Variants in PURG observed in about 807,000 individuals in gnomAD.
The protein encoded by PURG is purine rich element binding protein G, also known as purine-rich element-binding protein gamma.
PURG carries 3 observed loss-of-function variants against 24.3 expected under a neutral mutation model. The observed-to-expected ratio is 0.12, with a 90% CI of 0.06 to 0.32. The LOEUF is 0.32. Ranked by LOEUF, PURG falls within the 10% of genes least tolerant of loss-of-function variation. The pLI is 1.00. For synonymous variants in PURG, 180 were observed against 173.1 expected (o/e 1.04, Z -0.31); for missense variants, 371 against 439.1 (o/e 0.84, Z 1.39).
downstream of PURG, among the ~76,000 whole-genome samples, chr8:31,027,500 A>C (rs1187288158): frequency 1.3e-5 from 2 of 151,808 alleles, no homozygotes; most frequent in Non-Finnish European, 1.5e-5. Context: ...AGGAATGATA[A>C]TACATACATC....
downstream of PURG, among the ~76,000 whole-genome samples, chr8:31,027,266 T>C (rs1405590378): frequency 1.3e-5 from 2 of 151,756 alleles, no homozygotes; most frequent in Admixed American, 6.6e-5. Context: ...TCAAAGATGT[T>C]TGGTGTTTTA....
downstream of PURG, among the ~76,000 whole-genome samples, chr8:31,027,890 T>C (rs1482180189): frequency 6.6e-6 from 1 of 151,796 alleles, no homozygotes; most frequent in Non-Finnish European, 1.5e-5. Flanking sequence ...TTCTGAGATA[T>C]CATATTTGTG....
At chr8:31,003,868 C>T (rs1810591170) in intron 1 of PURG, among the ~76,000 whole-genome samples, 1 of 152,122 alleles carries the variant, frequency 6.6e-6, no homozygotes, top group Non-Finnish European at 1.5e-5. Flanking sequence ...TCTCTTTGTG[C>T]TCCTGCAGCT....
chr8:31,021,788 G>A (rs1010530895), intron 1 of PURG, among the ~76,000 whole-genome samples: 5 of 152,060 alleles, frequency 3.3e-5, no homozygotes, highest in Admixed American at 3.3e-4. Flanking sequence ...GGGGATAATA[G>A]GGTTGTTATA....
chr8:30,999,942 G>A (rs1041944880), intron 1 of PURG, among the ~76,000 whole-genome samples: 1 of 150,852 alleles, frequency 6.6e-6, no homozygotes, highest in Admixed American at 6.7e-5. Context: ...ACTCTGCCAT[G>A]CAATGTACAT....
intron 1 of PURG, among the ~76,000 whole-genome samples, chr8:31,001,847 CT>C (rs1392257089): frequency 6.6e-6 from 1 of 152,108 alleles, no homozygotes. Flanking sequence ...TAGTATTACT[CT>C]TGAATAGGGT....
Position 31,032,816 on chromosome 8 carries a change from TG to T in PURG, c.-6-29del. On this transcript the variant is annotated intron_variant, in intron 1 of 1. Transcript: ENST00000523392. The surrounding 1 kb of genome is among the most constrained non-coding windows in gnomAD (Gnocchi z 5.9). ...GCAAGTAACAAACAGACACACGGGA[TG>T]GGGTGGGGGAGGGGTGTTGAGAACA... 7.4e-7 allele frequency: 1 copy of T among 1,356,298 alleles called. No individual in the cohort carries two copies. Among genetic ancestry groups the T allele is most frequent in the Non-Finnish European group, 9.5e-7 (1 of 1,049,150 alleles). The allele number at this position is 1,356,298 out of a possible 1,614,324, so 84.0% of individuals were successfully genotyped here.
At chr8:31,028,349 G>A (rs564040401), downstream of PURG, among the ~76,000 whole-genome samples, 4 of 151,722 alleles carry the variant, frequency 2.6e-5, no homozygotes, top group East Asian at 7.7e-4. Context: ...ATGCATGCAC[G>A]GGATCACCTT....
At chr8:31,014,144 C>A (rs902432012) in intron 1 of PURG, among the ~76,000 whole-genome samples, 1 of 151,840 alleles carries the variant, frequency 6.6e-6, no homozygotes, top group African/African-American at 2.4e-5. Flanking sequence ...TAAAATGGTT[C>A]AATACAAATA....
At position 31,032,773 on chromosome 8, in the gene PURG, C is replaced by A; in HGVS notation, c.10G>T (p.Ala4Ser). 1 of 1,431,102 alleles carries A rather than the reference C, an allele frequency of 7.0e-7. No homozygotes were observed. The highest frequency in any genetic ancestry group is 9.2e-7 in the Non-Finnish European group (1 of 1,089,200). The allele number at this position is 1,431,102 out of a possible 1,614,324, so 88.7% of individuals were successfully genotyped here. A position where few individuals can be genotyped will look rare whatever the true frequency, so the allele number is the denominator to read the frequency against. The stretch of plus-strand genomic sequence containing the variant: ...CCGCCGCCGCCTCCCCTTCGCCTGG[C>A]TCTTTCCATCTTCAGCTGCAAGTAA... Reference protein sequence around the residue: MERARRRGGGGGRG... With the variant: MERSRRRGGGGGRG... The change falls in exon 2 of 2, where the codon GCC becomes TCC. Residue 4 changes from alanine (A) to serine (S), a missense_variant. Coordinates refer to ENST00000523392, the MANE Select transcript of PURG (RefSeq NM_001323311.2). The surrounding 1 kb of genome is among the most constrained non-coding windows in gnomAD (Gnocchi z 5.9).
intron 1 of PURG, among the ~76,000 whole-genome samples, chr8:31,012,566 G>A (rs1024077163): frequency 2.0e-5 from 3 of 152,222 alleles, no homozygotes; most frequent in African/African-American, 7.2e-5. Context: ...GGAAGAAAAT[G>A]AGAAAAGGCC....
chr8:31,012,490 T>A (rs1170944101), intron 1 of PURG, among the ~76,000 whole-genome samples: 2 of 152,154 alleles, frequency 1.3e-5, no homozygotes, highest in Non-Finnish European at 2.9e-5. Flanking sequence ...TAACTAAATA[T>A]GAACCATGCC....
At chr8:31,019,878 A>G (rs997817043) in intron 1 of PURG, among the ~76,000 whole-genome samples, 5 of 151,606 alleles carry the variant, frequency 3.3e-5, no homozygotes, top group African/African-American at 9.7e-5. Context: ...GATCTAAAGA[A>G]AAGTACTGTA....
At chr8:31,025,928 C>T (rs1480197987), downstream of PURG, among the ~76,000 whole-genome samples, 3 of 151,762 alleles carry the variant, frequency 2.0e-5, no homozygotes, top group Non-Finnish European at 4.4e-5. Context: ...CCTTTGGTCC[C>T]AAGACTACTG....
rs763646588 is a variant in PURG, at chr8:31,032,063, A to T, written c.720T>A (p.Ile240=). The T allele has an allele frequency of 1.2e-6, 2 of 1,614,188 alleles. No homozygotes were observed. The highest frequency in any genetic ancestry group is 1.7e-6 in the Non-Finnish European group (2 of 1,180,036). The change falls in exon 2 of 2, where the codon ATT becomes ATA. Residue 240 remains isoleucine (I), a synonymous_variant. Transcript: ENST00000523392. The surrounding 1 kb of genome is among the most constrained non-coding windows in gnomAD (Gnocchi z 5.9). ...CTATGTCTCCTTCGCCATAGTCTTCAATCAGCTGAACCAAGGCATCACGAA... is the reference window on the plus strand; with the variant it reads ...CTATGTCTCCTTCGCCATAGTCTTCTATCAGCTGAACCAAGGCATCACGAA... ...IEFRDALVQL[I]EDYGEGDIEE... is the part of the protein sequence containing the mutation.
chr8:30,997,982 TA>T (rs546997927), intron 1 of PURG, among the ~76,000 whole-genome samples: 3,208 of 151,846 alleles, frequency 0.021, 57 homozygotes, highest in Non-Finnish European at 0.033. Context: ...AGAATTACAC[TA>T]AAAAATCTCA....
chr8:30,999,795 T>G (rs1024849327), intron 1 of PURG, among the ~76,000 whole-genome samples: 1 of 152,030 alleles, frequency 6.6e-6, no homozygotes, highest in African/African-American at 2.4e-5. Flanking sequence ...CTAGAATCAG[T>G]ATAGTCTTTG....
chr8:31,004,128 G>A (rs1467420288), intron 1 of PURG, among the ~76,000 whole-genome samples: 1 of 152,166 alleles, frequency 6.6e-6, no homozygotes, highest in Admixed American at 6.5e-5. Context: ...GAATCTCAAT[G>A]AATCTTTGCA....
downstream of PURG, among the ~76,000 whole-genome samples, chr8:31,026,066 G>T (rs945370598): frequency 2.0e-5 from 3 of 151,766 alleles, no homozygotes; most frequent in South Asian, 2.1e-4. Context: ...AAAGATAAAG[G>T]CTTCATGCTA....
Sources: gnomAD v4.1 joint callset for allele counts (sites outside exome capture counted in the v4.1 genomes callset) on GRCh38, gnomAD v4.1.1 for gene constraint, Gnocchi (gnomAD v3.1) non-coding constraint, MANE v1.5 for transcripts, NCBI Gene and HGNC (gene_info 2026-07-23, HGNC 2026-07-21) for gene names.